The following CELF1 variants were observed in gnomAD, a reference collection of about 807,000 sequenced individuals.
The protein encoded by CELF1 is CUGBP Elav-like family member 1, also known as 50 kDa nuclear polyadenylated RNA-binding protein.
A neutral mutation model predicts 61.8 loss-of-function variants in CELF1; 10 were observed. The observed-to-expected ratio is 0.16, with a 90% CI of 0.10 to 0.27. The LOEUF (loss-of-function observed/expected upper bound fraction) is 0.27, where lower values mean the gene tolerates loss of function less well. Ranked by LOEUF, CELF1 falls within the 10% of genes least tolerant of loss-of-function variation. The probability of loss-of-function intolerance (pLI) is 1.00; values close to 1 mark genes in which losing one functional copy is unlikely to be tolerated. For missense variants in CELF1, 380 were observed against 639.1 expected, an observed-to-expected ratio of 0.59 and a Z score of 4.37; for synonymous variants, 236 against 225.1, an observed-to-expected ratio of 1.05 and a Z score of -0.43.
Position 47,535,006 on chromosome 11 carries a change from C to T in CELF1, c.-154+17986G>A, listed in dbSNP as rs75203562. ...ATTAGAAAAAAAAAAATTTTTTTCC[C>T]TAAGTTGGAAGCTTTCTGGAAAAGG... On this transcript the variant is annotated intron_variant, in intron 1 of 14. Transcript: ENST00000687097. Among the ~76,000 whole-genome samples the T allele has an allele frequency of 7.2e-3, 1,099 of 152,068 alleles. 5 individuals carry two copies. Among genetic ancestry groups the T allele is most frequent in the Non-Finnish European group, 0.012 (812 of 67,962 alleles).
intron 3 of CELF1, among the ~76,000 whole-genome samples, chr11:47,489,935 G>GTTTTTTTTTTTTTTGTTT (rs1555170255): frequency 4.1e-5 from 2 of 48,226 alleles, no homozygotes; most frequent in Non-Finnish European, 3.9e-5. Flanking sequence ...ATACCATCTT[G>GTTTTTTTTTTTTTTGTTT]TTTTTTTTTT....
chr11:47,514,692 CAAAAA>C (rs34636337), intron 1 of CELF1, among the ~76,000 whole-genome samples: 6 of 106,100 alleles, frequency 5.7e-5, no homozygotes, highest in Admixed American at 1.1e-4. Flanking sequence ...CCTATCTCTA[CAAAAA>C]AAAAAAAAAA....
Position 47,504,577 on chromosome 11 carries a change from TTA to T in CELF1, c.-153-3647_-153-3646del, listed in dbSNP as rs760604169. Among the ~76,000 whole-genome samples the T allele has an allele frequency of 6.2e-4, 93 of 150,434 alleles. 1 individual carries two copies. Among genetic ancestry groups the T allele is most frequent in the Middle Eastern group, 3.4e-3 (1 of 290 alleles). On this transcript the variant is annotated intron_variant, in intron 1 of 14. Transcript: ENST00000687097. ...ATGGGCAACAGCGTGAGACCCTGCCTTACAAAACAAAATAAATAAAACATAAA... is the reference window on the plus strand; with the variant it reads ...ATGGGCAACAGCGTGAGACCCTGCCTCAAAACAAAATAAATAAAACATAAA...
chr11:47,476,530 A>G (rs2080239670), intron 12 of CELF1, among the ~76,000 whole-genome samples: 1 of 151,450 alleles, frequency 6.6e-6, no homozygotes, highest in Non-Finnish European at 1.5e-5. Flanking sequence ...GGTTCATGCC[A>G]TTCTCCTGCC....
chr11:47,545,863 G>C (rs932406184), intron 1 of CELF1, among the ~76,000 whole-genome samples: 9 of 73,942 alleles, frequency 1.2e-4, no homozygotes, highest in Non-Finnish European at 1.9e-4. Context: ...GTGTGTGTGT[G>C]TGTCTGCGTG....
intron 1 of CELF1, among the ~76,000 whole-genome samples, chr11:47,520,857 A>C (rs1473637133): frequency 2.6e-5 from 4 of 152,072 alleles, no homozygotes; most frequent in Non-Finnish European, 5.9e-5. Flanking sequence ...TTCTGCTTTC[A>C]ATATCTTCAG....
intron 9 of CELF1, among the ~76,000 whole-genome samples, chr11:47,480,413 T>C (rs2082350424): frequency 6.6e-6 from 1 of 152,184 alleles, no homozygotes; most frequent in Non-Finnish European, 1.5e-5. Context: ...CCTTGGGCTA[T>C]GTGTTCAGTC....
At chr11:47,472,386 G>A (rs1490038780) in intron 14 of CELF1, 29 bp from the exon 15 acceptor site, 1 of 1,608,112 alleles carries the variant, frequency 6.2e-7, no homozygotes, top group Admixed American at 1.7e-5. Context: ...ACCTAGGTGA[G>A]GGACATAATG....
At chr11:47,517,260 G>GAAAAAAAAAAAAAAAA (rs57071560) in intron 1 of CELF1, among the ~76,000 whole-genome samples, 1 of 76,994 alleles carries the variant, frequency 1.3e-5, no homozygotes, top group Non-Finnish European at 3.1e-5. Context: ...AACAAACAGA[G>GAAAAAAAAAAAAAAAA]AAAAAAAAAA....
chr11:47,542,924 G>C (rs2096845746), intron 1 of CELF1, among the ~76,000 whole-genome samples: 1 of 152,104 alleles, frequency 6.6e-6, no homozygotes, highest in Non-Finnish European at 1.5e-5. Context: ...CTTGAGGACA[G>C]GTGTTCAAGA....
At chr11:47,545,913 ATAT>A (rs1429805477) in intron 1 of CELF1, among the ~76,000 whole-genome samples, 11 of 125,010 alleles carry the variant, frequency 8.8e-5, no homozygotes, top group African/African-American at 2.7e-4. Flanking sequence ...GTGTATATAT[ATAT>A]TTTTTTTTTT....
chr11:47,487,040 C>A lies in CELF1; in HGVS notation c.342+119G>T, dbSNP rs2087787967. ...GCTCCCTTTATGTCTTCCTTTACAT[C>A]AATTCCTGCAGCAGTTACCTTTTCC... On this transcript the variant is annotated intron_variant, in intron 5 of 14. Coordinates refer to ENST00000687097, the MANE Select transcript of CELF1 (RefSeq NM_001376376.1). 3 of 825,076 alleles carry A rather than the reference C, an allele frequency of 3.6e-6. No individual in the cohort carries two copies. The South Asian group carries it at 4.7e-5, about 13-fold the overall frequency. The allele number at this position is 825,076 out of a possible 1,614,324, so 51.1% of individuals were successfully genotyped here.
At chr11:47,549,687 T>C (rs1430567057) in intron 1 of CELF1, among the ~76,000 whole-genome samples, 1 of 152,192 alleles carries the variant, frequency 6.6e-6, no homozygotes, top group Non-Finnish European at 1.5e-5. Flanking sequence ...AGGGGAGCTG[T>C]TGTCCAACAG....
At chr11:47,488,165 T>C (rs2088837632) in intron 4 of CELF1, among the ~76,000 whole-genome samples, 1 of 152,238 alleles carries the variant, frequency 6.6e-6, no homozygotes, top group Admixed American at 6.5e-5. Flanking sequence ...AGAAAATTAT[T>C]TGAAAACTGG....
At chr11:47,513,312 G>A (rs1353348805) in intron 1 of CELF1, among the ~76,000 whole-genome samples, 1 of 152,196 alleles carries the variant, frequency 6.6e-6, no homozygotes, top group Non-Finnish European at 1.5e-5. Flanking sequence ...ACCTTCAATT[G>A]TTGAACTTAA....
intron 6 of CELF1, among the ~76,000 whole-genome samples, chr11:47,484,771 C>T (rs977793387): frequency 3.4e-4 from 51 of 152,204 alleles, no homozygotes; most frequent in Non-Finnish European, 1.3e-4. Flanking sequence ...CTCCGCCTCC[C>T]GGATTCAAGT....
intron 2 of CELF1, among the ~76,000 whole-genome samples, chr11:47,563,177 C>A (rs1217511956): frequency 2.0e-5 from 3 of 151,860 alleles, no homozygotes; most frequent in African/African-American, 7.3e-5. Flanking sequence ...GATCACGCTG[C>A]CACTGCACTC....
At chr11:47,514,562 A>G (rs2095440186) in intron 1 of CELF1, among the ~76,000 whole-genome samples, 1 of 152,054 alleles carries the variant, frequency 6.6e-6, no homozygotes, top group Non-Finnish European at 1.5e-5. Context: ...ACATTTTTAA[A>G]AATCTCTTTT....
rs59610157 is a variant in CELF1, at chr11:47,519,479, CTAAATAAATAAATAAA to C, written c.-153-18563_-153-18548del. Among the ~76,000 whole-genome samples, 490 of 145,024 alleles carry C rather than the reference CTAAATAAATAAATAAA, an allele frequency of 3.4e-3. 1 individual carries two copies. Among genetic ancestry groups the C allele is most frequent in the Non-Finnish European group, 5.2e-3 (348 of 66,556 alleles). Reference sequence around the variant, plus strand: ...TGTGTGACAGAGCGAGACTCCATCTCTAAATAAATAAATAAATAAATAAATAAATAAATAAATAAAT... The same window carrying C: ...TGTGTGACAGAGCGAGACTCCATCTCTAAATAAATAAATAAATAAATAAAT... On this transcript the variant is annotated intron_variant, in intron 1 of 14. Transcript: ENST00000687097.
Sources: allele counts gnomAD v4.1 joint callset (sites outside exome capture counted in the v4.1 genomes callset), GRCh38; gene constraint gnomAD v4.1.1; transcripts MANE v1.5; gene names NCBI Gene and HGNC (gene_info 2026-07-23, HGNC 2026-07-21).